Variants in SULT1B1 observed in about 807,000 individuals in gnomAD.
SULT1B1 encodes the protein sulfotransferase family 1B member 1.
Under a neutral mutation model 34.6 loss-of-function variants are expected in SULT1B1, and 28 were observed. The ratio of observed to expected loss-of-function variants is 0.81; its 90% CI spans 0.60 to 1.11. The LOEUF is 1.11. SULT1B1 is among the 50% of genes least tolerant of loss of function. The pLI is 0.00. For missense variants in SULT1B1, 374 were observed against 352.2 expected, an observed-to-expected ratio of 1.06 and a Z score of -0.50; for synonymous variants, 147 against 110.2, an observed-to-expected ratio of 1.33 and a Z score of -2.09.
At chr4:69,756,450 T>C (rs528644355) in intron 1 of SULT1B1, among the ~76,000 whole-genome samples, 2 of 152,298 alleles carry the variant, frequency 1.3e-5, no homozygotes, top group East Asian at 1.9e-4. Flanking sequence ...TAGATTAATA[T>C]TTAAATTGGT....
intron 4 of SULT1B1, among the ~76,000 whole-genome samples, chr4:69,740,316 A>G (rs115438989): frequency 0.018 from 2,797 of 152,322 alleles, 82 homozygotes; most frequent in African/African-American, 0.065. Context: ...GCAAGGCCCC[A>G]GGAAACTTAC....
chr4:69,756,918 C>A (rs1411206614), intron 1 of SULT1B1, among the ~76,000 whole-genome samples: 2 of 151,802 alleles, frequency 1.3e-5, no homozygotes, highest in African/African-American at 2.4e-5. Flanking sequence ...TGTACTCAAT[C>A]TGCCAATTTA....
At position 69,725,235 on chromosome 4, in the gene SULT1B1, GA is replaced by G. The variant is rs1717790708; in HGVS notation, c.*1852del. On this transcript the variant is annotated 3_prime_UTR_variant, in exon 8 of 8. Coordinates refer to ENST00000310613, the MANE Select transcript of SULT1B1 (RefSeq NM_014465.4). ...GAATATGAACAGATACTTCTCAAAA[GA>G]AGACATTTATGCAGCCAACAGACAC... 2 of 151,594 alleles carry G rather than the reference GA, an allele frequency of 1.3e-5. No homozygotes were observed. The highest frequency in any genetic ancestry group is 4.1e-4 in the South Asian group (2 of 4,822). 9.4% of individuals were successfully genotyped at this position (151,594 alleles called of 1,614,324 possible). A position where few individuals can be genotyped will look rare whatever the true frequency, so the allele number is the denominator to read the frequency against.
At chr4:69,752,915 TC>T (rs1719033259) in intron 3 of SULT1B1, among the ~76,000 whole-genome samples, 1 of 152,206 alleles carries the variant, frequency 6.6e-6, no homozygotes, top group African/African-American at 2.4e-5. Flanking sequence ...ACTCTTGCAT[TC>T]CCTGTTAGCT....
intron 6 of SULT1B1, among the ~76,000 whole-genome samples, chr4:69,730,998 C>T (rs1718059862): frequency 6.6e-6 from 1 of 152,072 alleles, no homozygotes. Context: ...AGTAGTTGTG[C>T]TAGGAAAACA....
chr4:69,730,534 T>C lies in SULT1B1; in HGVS notation c.745A>G (p.Met249Val). 3 of 1,610,612 alleles carry C rather than the reference T, an allele frequency of 1.9e-6. No individual in the cohort carries two copies. The highest frequency in any genetic ancestry group is 2.5e-6 in the Non-Finnish European group (3 of 1,177,256). The change falls in exon 7 of 8, where the codon ATG (methionine) becomes GTG (valine). Residue 249 changes from methionine to valine, a missense_variant. Transcript: ENST00000310613. ...ATAAAAGGGGATTTGCTATGATCCA[T>C]CACTGTAGTTGGTAGATGTGTATAA... ...VNYTHLPTTV[M>V]DHSKSPFMRK...
chr4:69,751,272 A>G (rs1718969763), intron 3 of SULT1B1, among the ~76,000 whole-genome samples: 1 of 152,200 alleles, frequency 6.6e-6, no homozygotes, highest in Admixed American at 6.5e-5. Flanking sequence ...TCTTTTAAGA[A>G]GTTTTTCTCA....
At chr4:69,747,797 C>T (rs1171800142) in intron 4 of SULT1B1, among the ~76,000 whole-genome samples, 1 of 152,144 alleles carries the variant, frequency 6.6e-6, no homozygotes, top group Non-Finnish European at 1.5e-5. Context: ...GTCTGTTTCA[C>T]TCACTCCTTC....
In SULT1B1 at chr4:69,727,055, C is replaced by A. The variant is rs1257572995; in HGVS notation, c.*33G>T. ...CTCGTTTCAATCAACTACAGACAAT[C>A]TCTTATTTCTTCAGATGTGTGATTT... On this transcript the variant is annotated 3_prime_UTR_variant, in exon 8 of 8. Transcript: ENST00000310613. 6.6e-6 allele frequency: 10 copies of A among 1,516,002 alleles called. No individual in the cohort carries two copies. The highest frequency in any genetic ancestry group is 9.0e-6 in the Non-Finnish European group (10 of 1,112,980). The allele number at this position is 1,516,002 out of a possible 1,614,324, so 93.9% of individuals were successfully genotyped here.
At chr4:69,754,395 A>G (rs1719106929) in intron 3 of SULT1B1, among the ~76,000 whole-genome samples, 2 of 152,218 alleles carry the variant, frequency 1.3e-5, no homozygotes, top group Admixed American at 1.3e-4. Context: ...AATCAGACAA[A>G]TTCTACCAAA....
intron 7 of SULT1B1, among the ~76,000 whole-genome samples, chr4:69,728,171 A>C (rs932304930): frequency 6.6e-6 from 1 of 152,084 alleles, no homozygotes; most frequent in Admixed American, 6.6e-5. Context: ...TGTCATTAAA[A>C]ACAGAGGAGA....
rs994067853 is a variant in SULT1B1, at chr4:69,727,021, A to G, written c.*67T>C. On this transcript the variant is annotated 3_prime_UTR_variant, in exon 8 of 8. Transcript: ENST00000310613. ...TTCATTTGATTGCCCAAATCAATTC[A>G]TAACTGCCCTCGTTTCAATCAACTA... 7.1e-5 allele frequency: 83 copies of G among 1,168,522 alleles called. No homozygotes were observed. The African/African-American group carries it at 1.1e-3, about 15-fold the overall frequency. The allele number at this position is 1,168,522 out of a possible 1,614,324, so 72.4% of individuals were successfully genotyped here.
In SULT1B1 at chr4:69,739,119, T is replaced by A. The variant is rs909406923; in HGVS notation, c.376-4855A>T. The stretch of plus-strand genomic sequence containing the variant: ...CAGCTGGTGTTGAGTGTGTACAGCT[T>A]TTCCAAGTGCAAAGTGCAACTCTCA... On this transcript the variant is annotated intron_variant, in intron 4 of 7. Transcript: ENST00000310613. 2.0e-5 allele frequency among the ~76,000 whole-genome samples: 3 copies of A among 152,178 alleles called. No individual in the cohort carries two copies. In the South Asian group the frequency reaches 6.2e-4, roughly 32 times the overall value.
At chr4:69,753,669 T>C (rs1418938716) in intron 3 of SULT1B1, among the ~76,000 whole-genome samples, 1 of 152,224 alleles carries the variant, frequency 6.6e-6, no homozygotes, top group Non-Finnish European at 1.5e-5. Flanking sequence ...CTTTTTAATC[T>C]CAATTTGGAG....
chr4:69,726,417 G>A lies in SULT1B1; in HGVS notation c.*671C>T, dbSNP rs918298511. ...TAAGAAGTAGGTCACAGCCCTCAGG[G>A]CTGCTTTTCAGAACAGAGCTCCAGT... On this transcript the variant is annotated 3_prime_UTR_variant, in exon 8 of 8. Coordinates refer to ENST00000310613, the MANE Select transcript of SULT1B1 (RefSeq NM_014465.4). The A allele has an allele frequency of 6.6e-6, 1 of 151,922 alleles. No individual in the cohort carries two copies. Among genetic ancestry groups the A allele is most frequent in the Non-Finnish European group, 1.5e-5 (1 of 67,966 alleles). 9.4% of individuals were successfully genotyped at this position (151,922 alleles called of 1,614,324 possible).
At chr4:69,727,766 C>T (rs1373862075) in intron 7 of SULT1B1, among the ~76,000 whole-genome samples, 3 of 151,854 alleles carry the variant, frequency 2.0e-5, no homozygotes, top group South Asian at 4.1e-4. Context: ...GGAATAATAA[C>T]ATTAATATCA....
Position 69,726,832 on chromosome 4 carries a change from C to T in SULT1B1, c.*256G>A, listed in dbSNP as rs920031966. On this transcript the variant is annotated 3_prime_UTR_variant, in exon 8 of 8. Coordinates refer to ENST00000310613, the MANE Select transcript of SULT1B1 (RefSeq NM_014465.4). Reference sequence around the variant, plus strand: ...TTATCAGTACTAGTGTAGAAAAAGGCAGGAAGAGCCTGTGGTTACATTGTT... The same window carrying T: ...TTATCAGTACTAGTGTAGAAAAAGGTAGGAAGAGCCTGTGGTTACATTGTT... 3 of 323,784 alleles carry T rather than the reference C, an allele frequency of 9.3e-6. No homozygotes were observed. In the South Asian group the frequency reaches 2.0e-4, roughly 21 times the overall value. 20.1% of individuals were successfully genotyped at this position (323,784 alleles called of 1,614,324 possible). A position where few individuals can be genotyped will look rare whatever the true frequency, so the allele number is the denominator to read the frequency against.
At chr4:69,734,693 G>T (rs1300702434) in intron 4 of SULT1B1, among the ~76,000 whole-genome samples, 1 of 151,826 alleles carries the variant, frequency 6.6e-6, no homozygotes, top group Admixed American at 6.6e-5. Flanking sequence ...GAAATACCGA[G>T]AAAAATATTA....
intron 5 of SULT1B1, 69 bp downstream of exon 5, chr4:69,734,069 T>A (rs893640003): frequency 1.6e-6 from 2 of 1,255,778 alleles, no homozygotes; most frequent in African/African-American, 3.1e-5. Flanking sequence ...TTGAAAGTCA[T>A]AAAAGTTATT....
Sources: gnomAD v4.1 joint callset for allele counts (sites outside exome capture counted in the v4.1 genomes callset) on GRCh38, gnomAD v4.1.1 for gene constraint, MANE v1.5 for transcripts, NCBI Gene and HGNC (gene_info 2026-07-23, HGNC 2026-07-21) for gene names.